The following RBMS3 variants were observed in gnomAD, a reference collection of about 807,000 sequenced individuals.
The protein encoded by RBMS3 is RNA binding motif single stranded interacting protein 3.
A neutral mutation model predicts 66.8 loss-of-function variants in RBMS3; 27 were observed. The observed-to-expected ratio is 0.40, with a 90% CI of 0.30 to 0.56. The LOEUF (loss-of-function observed/expected upper bound fraction) is 0.56. Ranked by LOEUF, RBMS3 falls within the 20% of genes least tolerant of loss-of-function variation. RBMS3 has a pLI of 0.40. For synonymous variants in RBMS3, 188 were observed against 183.0 expected (o/e 1.03, Z -0.22); for missense variants, 513 against 549.5 (o/e 0.93, Z 0.66).
chr3:29,327,905 G>T (rs1259408063), intron 1 of RBMS3, among the ~76,000 whole-genome samples: 2 of 152,190 alleles, frequency 1.3e-5, no homozygotes, highest in African/African-American at 4.8e-5. Flanking sequence ...TAGAATGCTA[G>T]AATTTTTTGA....
At position 29,545,402 on chromosome 3, in the gene RBMS3, G is replaced by GA. The variant is rs565139036; in HGVS notation, c.308-41706dup. ...AAACAGCAAAGGTATTTCAATTTGG[G>GA]AAAAAATGTGTAACAGTAAGCAGAT... On this transcript the variant is annotated intron_variant, in intron 3 of 14. Transcript: ENST00000383767. Among the ~76,000 whole-genome samples the GA allele has an allele frequency of 1.6e-4, 25 of 152,046 alleles. No individual in the cohort carries two copies. The East Asian group carries it at 4.3e-3, about 26-fold the overall frequency.
chr3:29,577,173 G>A (rs2047148837), intron 3 of RBMS3, among the ~76,000 whole-genome samples: 1 of 152,110 alleles, frequency 6.6e-6, no homozygotes, highest in South Asian at 2.1e-4. Context: ...GTTGCCTTTT[G>A]GCCCAGGGTG....
At chr3:29,459,837 C>G (rs1423125092) in intron 2 of RBMS3, among the ~76,000 whole-genome samples, 3 of 152,150 alleles carry the variant, frequency 2.0e-5, no homozygotes, top group Admixed American at 2.0e-4. Flanking sequence ...TAACATGAAG[C>G]AAGAACTTAG....
At chr3:29,402,844 C>T (rs959707279) in intron 1 of RBMS3, among the ~76,000 whole-genome samples, 1 of 151,860 alleles carries the variant, frequency 6.6e-6, no homozygotes, top group Non-Finnish European at 1.5e-5. Context: ...AAGAAGAATT[C>T]AAATTGAGGG....
chr3:29,588,785 A>G (rs1196682987), intron 4 of RBMS3, among the ~76,000 whole-genome samples: 1 of 152,124 alleles, frequency 6.6e-6, no homozygotes, highest in Non-Finnish European at 1.5e-5. Flanking sequence ...GTTACTTGGC[A>G]AAGAGTCAAT....
At chr3:29,777,903 T>G (rs2056482368) in intron 6 of RBMS3, among the ~76,000 whole-genome samples, 1 of 151,910 alleles carries the variant, frequency 6.6e-6, no homozygotes, top group South Asian at 2.1e-4. Flanking sequence ...TGTAGTACAT[T>G]GGGGTTGTAG....
At chr3:29,658,192 G>T (rs939276417) in intron 4 of RBMS3, among the ~76,000 whole-genome samples, 1 of 152,190 alleles carries the variant, frequency 6.6e-6, no homozygotes, top group Non-Finnish European at 1.5e-5. Context: ...TGTTTGTGAA[G>T]ATCTTATAAC....
chr3:29,535,576 C>T (rs1454168889), intron 3 of RBMS3, among the ~76,000 whole-genome samples: 1 of 151,958 alleles, frequency 6.6e-6, no homozygotes, highest in African/African-American at 2.4e-5. Context: ...TGGAGTTTGA[C>T]AAAACCTAGT....
At chr3:29,303,526 A>C (rs1335902463) in intron 1 of RBMS3, among the ~76,000 whole-genome samples, 3 of 152,016 alleles carry the variant, frequency 2.0e-5, no homozygotes, top group Non-Finnish European at 4.4e-5. Context: ...TTTCAAGTGA[A>C]CTTTCATTGA....
At chr3:29,921,107 G>T (rs2060766139) in intron 10 of RBMS3, among the ~76,000 whole-genome samples, 1 of 152,110 alleles carries the variant, frequency 6.6e-6, no homozygotes, top group South Asian at 2.1e-4. Context: ...TTGTTGCTCA[G>T]GCTGGAGTGC....
chr3:29,528,115 T>A lies in RBMS3; in HGVS notation c.307+39616T>A, dbSNP rs1333860647. Among the ~76,000 whole-genome samples, 80 of 146,788 alleles carry A rather than the reference T, an allele frequency of 5.5e-4. 1 individual carries two copies. The highest frequency in any genetic ancestry group is 1.7e-4 in the Non-Finnish European group (11 of 66,492). ...TCCACAAATGCAAGCAAGATTTTTTTTTTTTTTTTTTTTTTGAGATATGGT... is the reference window on the plus strand; with the variant it reads ...TCCACAAATGCAAGCAAGATTTTTTATTTTTTTTTTTTTTTGAGATATGGT... On this transcript the variant is annotated intron_variant, in intron 3 of 14. Transcript: ENST00000383767.
chr3:29,629,660 A>G (rs1457650), intron 4 of RBMS3, among the ~76,000 whole-genome samples: 14,220 of 152,082 alleles, frequency 0.094, 1,193 homozygotes, highest in East Asian at 0.35. Context: ...TCTTTCTCCT[A>G]TCAAGAATTT....
chr3:29,883,411 G>A (rs1287287584), intron 7 of RBMS3, among the ~76,000 whole-genome samples: 2 of 152,054 alleles, frequency 1.3e-5, no homozygotes, highest in African/African-American at 4.8e-5. Context: ...TACTTCATAG[G>A]ATTGTTGTGA....
chr3:29,991,087 T>C lies in RBMS3; in HGVS notation c.1185T>C (p.Val395=). 3 of 1,614,132 alleles carry C rather than the reference T, an allele frequency of 1.9e-6. No individual in the cohort carries two copies. The highest frequency in any genetic ancestry group is 2.5e-6 in the Non-Finnish European group (3 of 1,180,018). ...GTTCTTATTTGCCTCCTTAGGGTGT[T>C]GTTGCTGATACCTCTCCCCAGACAG... ...VPPTAVSIEG[V]VADTSPQTVA... The change falls in exon 14 of 15, where the codon GTT becomes GTC. Residue 395 remains valine (V), a synonymous_variant. Transcript: ENST00000383767.
chr3:29,536,799 G>A (rs1487236937), intron 3 of RBMS3, among the ~76,000 whole-genome samples: 5 of 152,184 alleles, frequency 3.3e-5, no homozygotes, highest in African/African-American at 1.2e-4. Flanking sequence ...CTGTGCCTGT[G>A]TCTCTTGCTA....
intron 1 of RBMS3, among the ~76,000 whole-genome samples, chr3:29,336,034 G>T (rs879256399): frequency 3.3e-5 from 5 of 152,044 alleles, no homozygotes; most frequent in African/African-American, 4.8e-5. Flanking sequence ...TCTTAACAAA[G>T]GAAAACCAGA....
chr3:29,873,537 A>C lies in RBMS3; in HGVS notation c.744+4573A>C, dbSNP rs566384824. ...ATGTAGAATCATGTTGTCTGCAAACAGGGATAGTTTGACTTATCTTCCTAT... is the reference window on the plus strand; with the variant it reads ...ATGTAGAATCATGTTGTCTGCAAACCGGGATAGTTTGACTTATCTTCCTAT... On this transcript the variant is annotated intron_variant, in intron 7 of 14. Transcript: ENST00000383767. Among the ~76,000 whole-genome samples, 34 of 152,268 alleles carry C rather than the reference A, an allele frequency of 2.2e-4. 1 individual carries two copies. The highest frequency in any genetic ancestry group is 1.9e-3 in the South Asian group (9 of 4,822).
intron 6 of RBMS3, among the ~76,000 whole-genome samples, chr3:29,826,016 A>G (rs973310830): frequency 6.6e-6 from 1 of 152,112 alleles, no homozygotes; most frequent in African/African-American, 2.4e-5. Flanking sequence ...ATAATAAATG[A>G]TTCCTTTGAA....
intron 1 of RBMS3, among the ~76,000 whole-genome samples, chr3:29,405,973 C>T (rs1399828566): frequency 6.6e-6 from 1 of 152,120 alleles, no homozygotes; most frequent in Non-Finnish European, 1.5e-5. Flanking sequence ...ATGATTTTTC[C>T]CCTGCTGCAT....
Sources: gnomAD v4.1 joint callset for allele counts (sites outside exome capture counted in the v4.1 genomes callset) on GRCh38, gnomAD v4.1.1 for gene constraint, MANE v1.5 for transcripts, NCBI Gene and HGNC (gene_info 2026-07-23, HGNC 2026-07-21) for gene names.